Variants in WWOX observed in about 807,000 individuals in gnomAD.
WWOX encodes WW domain containing oxidoreductase.
Under a neutral mutation model 46.2 loss-of-function variants are expected in WWOX, and 69 were observed. That is an observed-to-expected ratio of 1.49 (90% CI 1.23 to 1.82). The LOEUF is 1.82. WWOX is among the 40% of genes most tolerant of loss of function. The pLI is 0.00. For missense variants in WWOX, 919 were observed against 542.6 expected (o/e 1.69, Z -6.89); for synonymous variants, 359 against 202.6 (o/e 1.77, Z -6.56).
intron 8 of WWOX, among the ~76,000 whole-genome samples, chr16:78,555,682 G>C (rs900515368): frequency 6.6e-6 from 1 of 150,764 alleles, no homozygotes; most frequent in African/African-American, 2.4e-5. Context: ...AAGGGACAAT[G>C]TTCACCCTTT....
intron 8 of WWOX, among the ~76,000 whole-genome samples, chr16:79,146,780 T>G (rs541626303): frequency 3.3e-5 from 5 of 152,140 alleles, no homozygotes; most frequent in Non-Finnish European, 7.4e-5. Flanking sequence ...AAGCGAAGAC[T>G]ACTGAACAAG....
chr16:78,334,805 C>T (rs2080842151), intron 5 of WWOX, among the ~76,000 whole-genome samples: 1 of 45,476 alleles, frequency 2.2e-5, no homozygotes, highest in Admixed American at 2.7e-4. Flanking sequence ...CACACACACA[C>T]ACGCACACAC....
chr16:79,094,144 A>C (rs1329701526), intron 8 of WWOX, among the ~76,000 whole-genome samples: 1 of 152,228 alleles, frequency 6.6e-6, no homozygotes, highest in Non-Finnish European at 1.5e-5. Flanking sequence ...CTCATTTACA[A>C]ACAACTGTGC....
intron 6 of WWOX, among the ~76,000 whole-genome samples, chr16:78,402,049 A>G (rs1488807356): frequency 6.6e-6 from 1 of 152,222 alleles, no homozygotes. Flanking sequence ...TTACGTTCAC[A>G]AAGTTACGTT....
In WWOX at chr16:78,670,614, G is replaced by A. The variant is rs527652637; in HGVS notation, c.1056+237862G>A. ...AGATGAATAATGTCCCCCCAAATTCGTGTCTATCTGGAACCTCAGAATGTG... is the reference window on the plus strand; with the variant it reads ...AGATGAATAATGTCCCCCCAAATTCATGTCTATCTGGAACCTCAGAATGTG... On this transcript the variant is annotated intron_variant, in intron 8 of 8. Coordinates refer to ENST00000566780, the MANE Select transcript of WWOX (RefSeq NM_016373.4). Among the ~76,000 whole-genome samples the A allele has an allele frequency of 1.6e-4, 24 of 152,118 alleles. 1 individual carries two copies. The East Asian group carries it at 3.1e-3, about 20-fold the overall frequency.
chr16:78,451,836 G>A (rs946603079), intron 8 of WWOX, among the ~76,000 whole-genome samples: 2 of 152,186 alleles, frequency 1.3e-5, no homozygotes, highest in Non-Finnish European at 2.9e-5. Flanking sequence ...ATCACAGCAG[G>A]TGAGAAATAC....
At chr16:78,422,600 C>T (rs2082957880) in intron 6 of WWOX, among the ~76,000 whole-genome samples, 1 of 142,332 alleles carries the variant, frequency 7.0e-6, no homozygotes, top group African/African-American at 2.5e-5. Context: ...CCTGCCTTAG[C>T]CTCCCAAAGT....
rs533368166 is a variant in WWOX at position 79,012,771 on chromosome 16, C to T, written c.1057-198837C>T. Among the ~76,000 whole-genome samples the T allele has an allele frequency of 7.2e-5, 11 of 152,368 alleles. No individual in the cohort carries two copies. In the East Asian group the frequency reaches 2.1e-3, roughly 29 times the overall value. ...CCTGGTGGCCAGCCAGCCCCTGAAA[C>T]ACAGCAGGTATTCGGTGCAGCCTTC... On this transcript the variant is annotated intron_variant, in intron 8 of 8. Transcript: ENST00000566780.
intron 5 of WWOX, among the ~76,000 whole-genome samples, chr16:78,182,134 C>T (rs2035550220): frequency 6.6e-6 from 1 of 152,208 alleles, no homozygotes; most frequent in Non-Finnish European, 1.5e-5. Context: ...ATGTGACCTT[C>T]ACTTGTTCTT....
intron 8 of WWOX, among the ~76,000 whole-genome samples, chr16:78,468,925 A>G (rs2084152823): frequency 6.6e-6 from 1 of 152,198 alleles, no homozygotes; most frequent in African/African-American, 2.4e-5. Flanking sequence ...CTCTACCCCA[A>G]AAGTATATTC....
At chr16:78,670,180 C>A (rs575213258) in intron 8 of WWOX, among the ~76,000 whole-genome samples, 92 of 152,262 alleles carry the variant, frequency 6.0e-4, no homozygotes, top group African/African-American at 2.1e-3. Flanking sequence ...GGTTCCCTTT[C>A]ACCAGCAGGT....
At chr16:78,750,990 T>C (rs2049462953) in intron 8 of WWOX, among the ~76,000 whole-genome samples, 1 of 152,276 alleles carries the variant, frequency 6.6e-6, no homozygotes, top group Admixed American at 6.5e-5. Context: ...TGATTTATTT[T>C]CCTTTGAATG....
Position 79,134,173 on chromosome 16 carries a change from A to AT in WWOX, c.1057-77426dup, listed in dbSNP as rs5818203. On this transcript the variant is annotated intron_variant, in intron 8 of 8. Transcript: ENST00000566780. ...AGGGAATAATTGGGATTATCTTATGATTTTTTTTTCTCTTTAATTTTCTTA... is the reference window on the plus strand; with the variant it reads ...AGGGAATAATTGGGATTATCTTATGATTTTTTTTTTCTCTTTAATTTTCTTA... Among the ~76,000 whole-genome samples the AT allele has an allele frequency of 4.8e-3, 722 of 151,366 alleles. 4 individuals carry two copies. Among genetic ancestry groups the AT allele is most frequent in the Non-Finnish European group, 7.8e-3 (532 of 67,834 alleles).
At chr16:78,502,999 A>AGT (rs2085108487) in intron 8 of WWOX, among the ~76,000 whole-genome samples, 2 of 152,206 alleles carry the variant, frequency 1.3e-5, no homozygotes, top group African/African-American at 4.8e-5. Context: ...CAGCCTCGGC[A>AGT]GTGTTTGTAT....
At chr16:79,156,019 A>T (rs2150740694) in intron 8 of WWOX, among the ~76,000 whole-genome samples, 1 of 152,294 alleles carries the variant, frequency 6.6e-6, no homozygotes, top group Admixed American at 6.5e-5. Context: ...TAAAAGAGAA[A>T]AATAGTTAGT....
intron 8 of WWOX, among the ~76,000 whole-genome samples, chr16:78,639,894 G>GT (rs1029366860): frequency 6.6e-6 from 1 of 152,062 alleles, no homozygotes; most frequent in Non-Finnish European, 1.5e-5. Context: ...AGGATGAAGA[G>GT]TAATAGGAAG....
intron 8 of WWOX, among the ~76,000 whole-genome samples, chr16:78,607,462 C>A (rs2045787208): frequency 6.6e-6 from 1 of 152,066 alleles, no homozygotes; most frequent in Non-Finnish European, 1.5e-5. Flanking sequence ...TTTCAAAAAT[C>A]TTTCAAAAAT....
intron 8 of WWOX, among the ~76,000 whole-genome samples, chr16:78,580,722 A>T (rs1024462987): frequency 6.6e-6 from 1 of 152,222 alleles, no homozygotes; most frequent in Non-Finnish European, 1.5e-5. Context: ...CGAATACTGC[A>T]GTGGTGAGAA....
chr16:78,699,169 C>G (rs150701695), intron 8 of WWOX, among the ~76,000 whole-genome samples: 1 of 152,200 alleles, frequency 6.6e-6, no homozygotes, highest in African/African-American at 2.4e-5. Context: ...AAACAGGTCA[C>G]GGGCCACATT....
Sources: gnomAD v4.1 joint callset for allele counts (sites outside exome capture counted in the v4.1 genomes callset) on GRCh38, gnomAD v4.1.1 for gene constraint, MANE v1.5 for transcripts, NCBI Gene and HGNC (gene_info 2026-07-23, HGNC 2026-07-21) for gene names.